SLC12A4: variants seen among roughly 807,000 people sequenced by gnomAD.
SLC12A4 encodes the protein electroneutral potassium-chloride cotransporter 1.
Under a neutral mutation model 119.2 loss-of-function variants are expected in SLC12A4, and 84 were observed. That is an observed-to-expected ratio of 0.70 (90% confidence interval 0.59 to 0.85). The LOEUF (loss-of-function observed/expected upper bound fraction) is 0.85. SLC12A4 is among the 40% of genes least tolerant of loss of function. The probability of loss-of-function intolerance (pLI) is 0.00; values close to 1 mark genes in which losing one functional copy is unlikely to be tolerated. For missense variants in SLC12A4, 1,298 were observed against 1,476.3 expected, an observed-to-expected ratio of 0.88 and a Z score of 1.98; for synonymous variants, 599 against 604.6, an observed-to-expected ratio of 0.99 and a Z score of 0.14.
In SLC12A4 at chr16:67,951,408, G is replaced by T; in HGVS notation, c.1133-104C>A. The T allele has an allele frequency of 7.6e-7, 1 of 1,320,018 alleles. No homozygotes were observed. Among genetic ancestry groups the T allele is most frequent in the Non-Finnish European group, 1.0e-6 (1 of 962,376 alleles). The allele number at this position is 1,320,018 out of a possible 1,614,324, so 81.8% of individuals were successfully genotyped here. A position where few individuals can be genotyped will look rare whatever the true frequency, so the allele number is the denominator to read the frequency against. On this transcript the variant is annotated intron_variant, in intron 8 of 23. Coordinates refer to ENST00000316341, the MANE Select transcript of SLC12A4 (RefSeq NM_005072.5). This position sits in a 1 kb window ranked among gnomAD's most constrained non-coding sequence, Gnocchi z 5.2. ...GATGCAGGGCAACTTTGGGGACTCA[G>T]GGAACAGCTTCAGCCCAATGACTGC...
chr16:67,950,478 G>T lies in SLC12A4; in HGVS notation c.1470C>A (p.Val490=). Residue 490 remains valine, a synonymous_variant, in exon 12 of 24, where the codon GTC becomes GTA. Coordinates refer to ENST00000316341, the MANE Select transcript of SLC12A4 (RefSeq NM_005072.5). This position sits in a 1 kb window ranked among gnomAD's most constrained non-coding sequence, Gnocchi z 4.3. ...GTGTGCCCACCACCAAGTTCCTGCT[G>T]ACACCATCGCCATACCTGCAGGGGC... ...VVLRDKYGDG[V]SRNLVVGTLA... The T allele has an allele frequency of 6.2e-7, 1 of 1,614,006 alleles. No homozygotes were observed. The highest frequency in any genetic ancestry group is 8.5e-7 in the Non-Finnish European group (1 of 1,180,010).
intron 5 of SLC12A4, among the ~76,000 whole-genome samples, chr16:67,957,121 G>A (rs1352459670): frequency 1.3e-5 from 2 of 151,172 alleles, no homozygotes; most frequent in South Asian, 2.1e-4. Context: ...CTCTGCCTCA[G>A]CCTCCCAAGT....
intron 5 of SLC12A4, among the ~76,000 whole-genome samples, chr16:67,956,693 C>T (rs1377830396): frequency 1.3e-5 from 2 of 151,702 alleles, no homozygotes; most frequent in African/African-American, 4.8e-5. Flanking sequence ...CAAAAAAAAC[C>T]CAAAAAACCA....
Position 67,945,571 on chromosome 16 carries a change from A to G in SLC12A4, c.2848-18T>C. The G allele has an allele frequency of 6.2e-7, 1 of 1,610,004 alleles. No homozygotes were observed. The highest frequency in any genetic ancestry group is 1.1e-5 in the South Asian group (1 of 90,688). ...AGCTGGGCCTGAGGACAATTGCAGGAGATAGCCTTGGTCCCATAGGAAAAG... is the reference window on the plus strand; with the variant it reads ...AGCTGGGCCTGAGGACAATTGCAGGGGATAGCCTTGGTCCCATAGGAAAAG... On this transcript the variant is annotated intron_variant, in intron 21 of 23. Transcript: ENST00000316341.
intron 5 of SLC12A4, among the ~76,000 whole-genome samples, chr16:67,956,715 C>A (rs1598223331): frequency 6.6e-6 from 1 of 151,840 alleles, no homozygotes; most frequent in South Asian, 2.1e-4. Context: ...AATCAAAAAA[C>A]TGTTTTCAAC....
intron 5 of SLC12A4, among the ~76,000 whole-genome samples, chr16:67,956,430 A>C (rs2030264478): frequency 6.6e-6 from 1 of 152,162 alleles, no homozygotes; most frequent in African/African-American, 2.4e-5. Context: ...TCACACCCGT[A>C]ATCCCAGCAC....
Position 67,950,660 on chromosome 16 carries a change from C to T in SLC12A4, c.1448G>A (p.Arg483Gln), listed in dbSNP as rs752872597. The change falls in exon 11 of 24, where the codon CGG (arginine) becomes CAG (glutamine). Residue 483 changes from arginine (R) to glutamine (Q), a missense_variant. Coordinates refer to ENST00000316341, the MANE Select transcript of SLC12A4 (RefSeq NM_005072.5). This position sits in a 1 kb window ranked among gnomAD's most constrained non-coding sequence, Gnocchi z 4.3. Reference protein sequence around the residue: ...FGACIEGVVLRDKYGDGVSRN... With the variant: ...FGACIEGVVLQDKYGDGVSRN... ...GGGGGCCCAGCTCACTCACTTGTCC[C>T]GGAGAACCACACCCTCAATGCAGGC... 97 of 1,612,166 alleles carry T rather than the reference C, an allele frequency of 6.0e-5. 1 individual carries two copies. The highest frequency in any genetic ancestry group is 1.1e-4 in the African/African-American group (8 of 74,778).
In SLC12A4 at chr16:67,945,796, T is replaced by C; in HGVS notation, c.2815A>G (p.Met939Val). 4 of 1,613,822 alleles carry C rather than the reference T, an allele frequency of 2.5e-6. No homozygotes were observed. The highest frequency in any genetic ancestry group is 3.4e-6 in the Non-Finnish European group (4 of 1,180,030). The change falls in exon 21 of 24, where the codon ATG becomes GTG. Residue 939 changes from methionine to valine, a missense_variant. Physicochemically the swap from Met to Val is conservative, Grantham distance 21 (BLOSUM62 1). Transcript: ENST00000316341. ...TCCCGCTCAGTCTTGGTCAGTCTCA[T>C]CTGCCGCAGCATCTGCGACCGCTGC... ...MEQRSQMLRQ[M>V]RLTKTERERE...
chr16:67,944,270 G>T lies in SLC12A4; in HGVS notation c.*570C>A. 7.0e-7 allele frequency: 1 copy of T among 1,422,246 alleles called. No individual in the cohort carries two copies. The highest frequency in any genetic ancestry group is 1.5e-5 in the South Asian group (1 of 65,538). 88.1% of individuals were successfully genotyped at this position (1,422,246 alleles called of 1,614,324 possible). A position where few individuals can be genotyped will look rare whatever the true frequency, so the allele number is the denominator to read the frequency against. On this transcript the variant is annotated 3_prime_UTR_variant, in exon 24 of 24. Transcript: ENST00000316341. This position sits in a 1 kb window ranked among gnomAD's most constrained non-coding sequence, Gnocchi z 6.6. ...CTCAGGGAGCCGGCTCTGGGCCTGG[G>T]TTCAGTTCCGCCTTCTTCTCTTGGC...
chr16:67,947,430 T>G lies in SLC12A4; in HGVS notation c.1973A>C (p.Glu658Ala). The G allele has an allele frequency of 2.5e-6, 4 of 1,612,094 alleles. No homozygotes were observed. Among genetic ancestry groups the G allele is most frequent in the Non-Finnish European group, 3.4e-6 (4 of 1,179,622 alleles). ...IYKYIEYQGA[E>A]KEWGDGIRGL... ...TCGGATCCCGTCACCCCACTCCTTCTCAGCCCTGCAGATTCCACCACAGCT... is the reference window on the plus strand; with the variant it reads ...TCGGATCCCGTCACCCCACTCCTTCGCAGCCCTGCAGATTCCACCACAGCT... The change falls in exon 16 of 24, where the codon GAG becomes GCG. Residue 658 changes from glutamate (E) to alanine (A), a missense_variant. Glu to Ala is a moderately radical substitution (Grantham distance 107). Transcript: ENST00000316341.
intron 5 of SLC12A4, among the ~76,000 whole-genome samples, chr16:67,955,508 G>A (rs2030205610): frequency 6.6e-6 from 1 of 152,152 alleles, no homozygotes; most frequent in Admixed American, 6.5e-5. Context: ...GATTGCTTGA[G>A]CTCAGGAGTT....
intron 3 of SLC12A4, among the ~76,000 whole-genome samples, chr16:67,958,332 G>A (rs1454923861): frequency 6.6e-6 from 1 of 152,038 alleles, no homozygotes; most frequent in Non-Finnish European, 1.5e-5. Flanking sequence ...CTTCTAGAAA[G>A]AGAGGTTTGT....
At chr16:67,958,842 T>C (rs2030413635) in intron 3 of SLC12A4, among the ~76,000 whole-genome samples, 2 of 152,102 alleles carry the variant, frequency 1.3e-5, no homozygotes, top group Admixed American at 1.3e-4. Context: ...CTGTTACCTC[T>C]CTCGGGAAGA....
Position 67,952,183 on chromosome 16 carries a change from C to G in SLC12A4, c.917+1G>C. On this transcript the variant is annotated splice_donor_variant, in intron 7 of 23. Coordinates refer to ENST00000316341, the MANE Select transcript of SLC12A4 (RefSeq NM_005072.5). LOFTEE classifies it high-confidence loss of function. ...CCCAGATAAATTCCTGGGTTACTTA[C>G]GGAAACACGGGAGGGTCAAATATAG... 1 of 1,613,644 alleles carries G rather than the reference C, an allele frequency of 6.2e-7. No homozygotes were observed. Among genetic ancestry groups the G allele is most frequent in the Non-Finnish European group, 8.5e-7 (1 of 1,179,674 alleles).
rs2058320780 is a variant in SLC12A4 at position 67,944,770 on chromosome 16, G to A, written c.*70C>T. 1 of 1,573,068 alleles carries A rather than the reference G, an allele frequency of 6.4e-7. No individual in the cohort carries two copies. ...GGCAGGTGGGTGCTGGGAAGAGGCTGTTACCCCAGACCACAGCTTGTTATG... is the reference window on the plus strand; with the variant it reads ...GGCAGGTGGGTGCTGGGAAGAGGCTATTACCCCAGACCACAGCTTGTTATG... On this transcript the variant is annotated 3_prime_UTR_variant, in exon 24 of 24. Transcript: ENST00000316341. This position sits in a 1 kb window ranked among gnomAD's most constrained non-coding sequence, Gnocchi z 6.6.
chr16:67,944,926 C>A lies in SLC12A4; in HGVS notation c.3172G>T (p.Glu1058Ter). Residue 1058 changes from glutamate (E) to a stop codon, truncating the protein, a stop_gained, in exon 24 of 24, where the codon GAG (glutamate) becomes TAG (stop). Coordinates refer to ENST00000316341, the MANE Select transcript of SLC12A4 (RefSeq NM_005072.5). LOFTEE classifies it high-confidence loss of function. This position sits in a 1 kb window ranked among gnomAD's most constrained non-coding sequence, Gnocchi z 6.6. Reference sequence around the variant, plus strand: ...CCCTCGGTCAGCACCTCGAGGAACTCCATGTCTGCAGGGCCTCAAGTCAAG... The same window carrying A: ...CCCTCGGTCAGCACCTCGAGGAACTACATGTCTGCAGGGCCTCAAGTCAAG... ...RNSEGDENYM[E>*]FLEVLTEGLE... The A allele has an allele frequency of 6.2e-7, 1 of 1,613,368 alleles. No individual in the cohort carries two copies. The highest frequency in any genetic ancestry group is 1.1e-5 in the South Asian group (1 of 91,080).
intron 6 of SLC12A4, chr16:67,954,232 C>A (rs2030117080): frequency 3.0e-6 from 1 of 332,600 alleles, no homozygotes; most frequent in Non-Finnish European, 6.0e-6. Flanking sequence ...GATTGAAGGA[C>A]AAGGAGAAGG....
At chr16:67,959,525 C>T (rs2030452323) in intron 3 of SLC12A4, among the ~76,000 whole-genome samples, 1 of 152,190 alleles carries the variant, frequency 6.6e-6, no homozygotes, top group Non-Finnish European at 1.5e-5. Context: ...CTGTGAGCGA[C>T]CTAAAGGACT....
chr16:67,947,811 G>C (rs1325235756), intron 14 of SLC12A4, 23 bp from the exon 15 acceptor site: 35 of 1,568,484 alleles, frequency 2.2e-5, no homozygotes, highest in Non-Finnish European at 2.9e-5. Context: ...GGAGGGCAGA[G>C]TCAGGGCAGG....
Sources: allele counts gnomAD v4.1 joint callset (sites outside exome capture counted in the v4.1 genomes callset), GRCh38; gene constraint gnomAD v4.1.1; non-coding constraint Gnocchi (gnomAD v3.1); transcripts MANE v1.5; gene names NCBI Gene and HGNC (gene_info 2026-07-23, HGNC 2026-07-21).